TBX1: variants seen among roughly 807,000 people sequenced by gnomAD.
TBX1 encodes T-box transcription factor TBX1.
Under a neutral mutation model 40.8 loss-of-function variants are expected in TBX1, and 16 were observed. That is an observed-to-expected ratio of 0.39 (90% CI 0.27 to 0.60). TBX1 has a LOEUF of 0.60. Among genes scored for constraint, TBX1 ranks in the 20% least tolerant of loss-of-function variants. The pLI is 0.51. For missense variants in TBX1, 755 were observed against 728.5 expected, an observed-to-expected ratio of 1.04 and a Z score of -0.42; for synonymous variants, 403 against 336.8, an observed-to-expected ratio of 1.20 and a Z score of -2.15.
chr22:19,776,313 G>A (rs187989021), intron 8 of TBX1, among the ~76,000 whole-genome samples: 35 of 152,278 alleles, frequency 2.3e-4, no homozygotes, highest in South Asian at 6.2e-4. Context: ...GGAGGAAGAC[G>A]TGTGGCCCCT....
chr22:19,767,481 G>C (rs1274329460), downstream of TBX1: 1 of 747,494 alleles, frequency 1.3e-6, no homozygotes, highest in East Asian at 1.3e-4. Context: ...ACAGCGCCCT[G>C]TCCGCCACGC....
chr22:19,765,175 T>C, intron 4 of TBX1, 62 bp downstream of exon 4: 3 of 1,611,872 alleles, frequency 1.9e-6, no homozygotes, highest in Non-Finnish European at 2.5e-6. Context: ...GGTGTAATTT[T>C]CAGTTGCCGT....
chr22:19,778,237 G>A (rs1937096492), intron 8 of TBX1, among the ~76,000 whole-genome samples: 1 of 151,356 alleles, frequency 6.6e-6, no homozygotes, highest in Non-Finnish European at 1.5e-5. Flanking sequence ...TAGGACTACA[G>A]GTGTGTGCCA....
chr22:19,771,751 C>T (rs926744006), downstream of TBX1, among the ~76,000 whole-genome samples: 18 of 152,220 alleles, frequency 1.2e-4, no homozygotes, highest in Admixed American at 3.3e-4. Flanking sequence ...ATTTCAACAC[C>T]TCTGAAGTTG....
chr22:19,757,443 C>G (rs897068325), upstream of TBX1, among the ~76,000 whole-genome samples: 4 of 152,170 alleles, frequency 2.6e-5, no homozygotes, highest in African/African-American at 9.7e-5. Context: ...TTTCACTTCT[C>G]CCTCCTCAAT....
At position 19,766,803 on chromosome 22, in the gene TBX1, C is replaced by T. The variant is rs1407079342; in HGVS notation, c.1451C>T (p.Ala484Val). 3 of 1,527,308 alleles carry T rather than the reference C, an allele frequency of 2.0e-6. No individual in the cohort carries two copies. Among genetic ancestry groups the T allele is most frequent in the Non-Finnish European group, 1.7e-6 (2 of 1,152,174 alleles). The allele number at this position is 1,527,308 out of a possible 1,614,324, so 94.6% of individuals were successfully genotyped here. Residue 484 changes from alanine to valine, a missense_variant, in exon 7 of 7, where the codon GCC becomes GTC. Transcript: ENST00000649276. ...AAAAAAAAAAAANMYSSAGAA... is the reference protein window; with the variant it reads ...AAAAAAAAAAVANMYSSAGAA... ...GCCGCCGCTGCCGCAGCTGCCGCGG[C>T]CGCCAACATGTACTCGTCGGCCGGA...
chr22:19,779,815 G>A (rs183031542), downstream of TBX1, among the ~76,000 whole-genome samples: 8 of 152,232 alleles, frequency 5.3e-5, no homozygotes, highest in South Asian at 4.2e-4. Context: ...TTCTTTCTCC[G>A]ACGTGCTCTT....
chr22:19,779,061 G>A (rs1441341078), intron 8 of TBX1, among the ~76,000 whole-genome samples: 2 of 152,232 alleles, frequency 1.3e-5, no homozygotes, highest in Non-Finnish European at 2.9e-5. Flanking sequence ...GTCTGTGTCT[G>A]TGTCCTGTGG....
rs1773370877 is a variant in TBX1 at position 19,767,125 on chromosome 22, C to T, written c.*258C>T. ...GCCCCGAGGGCCAAGGGGGTCCCCGCCCGCCAGTGCCAAAGCGCCCGGTCG... is the reference window on the plus strand; with the variant it reads ...GCCCCGAGGGCCAAGGGGGTCCCCGTCCGCCAGTGCCAAAGCGCCCGGTCG... On this transcript the variant is annotated 3_prime_UTR_variant, in exon 7 of 7. Coordinates refer to ENST00000649276, the MANE Select transcript of TBX1 (RefSeq NM_001379200.1). 5 of 1,249,630 alleles carry T rather than the reference C, an allele frequency of 4.0e-6. No homozygotes were observed. In the African/African-American group the frequency reaches 6.3e-5, roughly 16 times the overall value. 77.4% of individuals were successfully genotyped at this position (1,249,630 alleles called of 1,614,324 possible). A position where few individuals can be genotyped will look rare whatever the true frequency, so the allele number is the denominator to read the frequency against.
intron 8 of TBX1, among the ~76,000 whole-genome samples, chr22:19,776,102 C>A (rs1381279506): frequency 6.6e-6 from 1 of 152,138 alleles, no homozygotes; most frequent in African/African-American, 2.4e-5. Flanking sequence ...CCACCCATGG[C>A]TGCTAGTGCC....
At chr22:19,775,958 C>A (rs1017213466) in intron 8 of TBX1, among the ~76,000 whole-genome samples, 3 of 152,140 alleles carry the variant, frequency 2.0e-5, no homozygotes, top group Non-Finnish European at 2.9e-5. Flanking sequence ...TGGTGACAGC[C>A]TTGCAGGGAG....
At chr22:19,780,975 G>T (rs1271324436), downstream of TBX1, among the ~76,000 whole-genome samples, 4 of 151,900 alleles carry the variant, frequency 2.6e-5, no homozygotes, top group Non-Finnish European at 4.4e-5. Flanking sequence ...GTAGAGACGG[G>T]GTTTTACCAT....
At chr22:19,762,364 G>A (rs1936697235) in intron 1 of TBX1, among the ~76,000 whole-genome samples, 1 of 152,262 alleles carries the variant, frequency 6.6e-6, no homozygotes, top group East Asian at 1.9e-4. Flanking sequence ...ACCGCCTGCA[G>A]GGAGTTGCTT....
chr22:19,773,941 T>G (rs1194232810), intron 8 of TBX1, among the ~76,000 whole-genome samples: 1 of 152,210 alleles, frequency 6.6e-6, no homozygotes, highest in Non-Finnish European at 1.5e-5. Context: ...ATTCCAGTAG[T>G]AGCTGTTTCT....
rs1466850817 is a variant in TBX1 at position 19,765,009 on chromosome 22, G to A, written c.763G>A (p.Val255Met). Residue 255 changes from valine (V) to methionine (M), a missense_variant, in exon 4 of 7, where the codon GTG becomes ATG. By Grantham distance (21) the Val-to-Met change is conservative. Transcript: ENST00000649276. ...RYQPRFHVVYVDPRKDSEKYA... is the reference protein window; with the variant it reads ...RYQPRFHVVYMDPRKDSEKYA... The stretch of plus-strand genomic sequence containing the variant: ...CCAGCCCCGCTTCCACGTGGTCTAT[G>A]TGGACCCACGCAAAGATAGCGAGAA... 1.2e-6 allele frequency: 2 copies of A among 1,614,206 alleles called. No individual in the cohort carries two copies. The highest frequency in any genetic ancestry group is 1.7e-6 in the Non-Finnish European group (2 of 1,180,030).
Sources: gnomAD v4.1 joint callset for allele counts (sites outside exome capture counted in the v4.1 genomes callset) on GRCh38, gnomAD v4.1.1 for gene constraint, MANE v1.5 for transcripts, NCBI Gene and HGNC (gene_info 2026-07-23, HGNC 2026-07-21) for gene names.